The following ZNF568 variants were observed in gnomAD, a reference collection of about 807,000 sequenced individuals.
ZNF568 encodes the protein zinc finger protein 568.
In ZNF568, 11 loss-of-function variants were observed where a neutral mutation model predicts 18.1. The ratio of observed to expected loss-of-function variants is 0.61; its 90% confidence interval spans 0.38 to 1.00. The LOEUF is 1.00. Among genes scored for constraint, ZNF568 ranks in the 50% least tolerant of loss-of-function variants. The pLI is 0.01. For synonymous variants in ZNF568, 213 were observed against 246.6 expected, an observed-to-expected ratio of 0.86 and a Z score of 1.28; for missense variants, 639 against 768.2, an observed-to-expected ratio of 0.83 and a Z score of 1.99.
At chr19:36,917,095 C>T (rs919699203) in intron 1 of ZNF568, among the ~76,000 whole-genome samples, 1 of 152,164 alleles carries the variant, frequency 6.6e-6, no homozygotes, top group Non-Finnish European at 1.5e-5. Flanking sequence ...AACTCAATGC[C>T]ATACAACAGC....
At chr19:36,933,272 G>A (rs916689520) in intron 4 of ZNF568, among the ~76,000 whole-genome samples, 2 of 150,160 alleles carry the variant, frequency 1.3e-5, no homozygotes, top group African/African-American at 4.9e-5. Context: ...AGCATCATTT[G>A]TTGAAAAGAC....
intron 6 of ZNF568, among the ~76,000 whole-genome samples, chr19:36,967,996 A>C (rs1443380621): frequency 1.3e-5 from 2 of 152,186 alleles, no homozygotes; most frequent in Non-Finnish European, 2.9e-5. Flanking sequence ...TTGTGGGCTA[A>C]ATTGAAAACC....
chr19:36,950,847 A>G lies in ZNF568; in HGVS notation c.1694A>G (p.Lys565Arg). The G allele has an allele frequency of 6.2e-7, 1 of 1,613,824 alleles. No homozygotes were observed. Among genetic ancestry groups the G allele is most frequent in the East Asian group, 2.2e-5 (1 of 44,854 alleles). The change falls in exon 7 of 7, where the codon AAA becomes AGA. Residue 565 changes from lysine (K) to arginine (R), a missense_variant. Lys to Arg is a conservative substitution (Grantham distance 26). Coordinates refer to ENST00000333987, the MANE Select transcript of ZNF568 (RefSeq NM_198539.4). Reference protein sequence around the residue: ...EKPFKCNECGKAFSRISSLTL... With the variant: ...EKPFKCNECGRAFSRISSLTL... ...CCATTCAAATGTAATGAATGTGGTA[A>G]AGCCTTCTCTCGAATCTCATCCCTC...
chr19:36,950,583 G>C lies in ZNF568; in HGVS notation c.1430G>C (p.Ser477Thr). The part of the protein sequence containing the change: ...IHTGEKPYEC[S>T]ECGKAFIQMS... ...ACTGGAGAGAAACCTTATGAATGCAGTGAATGTGGGAAAGCTTTTATTCAG... is the reference window on the plus strand; with the variant it reads ...ACTGGAGAGAAACCTTATGAATGCACTGAATGTGGGAAAGCTTTTATTCAG... The change falls in exon 7 of 7, where the codon AGT becomes ACT. Residue 477 changes from serine (S) to threonine (T), a missense_variant. Transcript: ENST00000333987. The C allele has an allele frequency of 6.2e-7, 1 of 1,613,728 alleles. No homozygotes were observed. Among genetic ancestry groups the C allele is most frequent in the African/African-American group, 1.3e-5 (1 of 75,012 alleles).
At chr19:36,977,762 T>C (rs758468730) in intron 7 of ZNF568, among the ~76,000 whole-genome samples, 1 of 152,232 alleles carries the variant, frequency 6.6e-6, no homozygotes, top group Non-Finnish European at 1.5e-5. Context: ...AAAATATTAA[T>C]TGCCCTTTGT....
chr19:36,916,858 C>A lies in ZNF568; in HGVS notation c.-256+267C>A, dbSNP rs1004439298. Among the ~76,000 whole-genome samples, 107 of 152,094 alleles carry A rather than the reference C, an allele frequency of 7.0e-4. No individual in the cohort carries two copies. The highest frequency in any genetic ancestry group is 1.2e-4 in the Non-Finnish European group (8 of 68,024). Reference sequence around the variant, plus strand: ...CTGTAGCATTTGGCACAGTTGGTAACGGCTTGAAAAACACTTATTTGTTTT... The same window carrying A: ...CTGTAGCATTTGGCACAGTTGGTAAAGGCTTGAAAAACACTTATTTGTTTT... On this transcript the variant is annotated intron_variant, in intron 1 of 6. Coordinates refer to ENST00000333987, the MANE Select transcript of ZNF568 (RefSeq NM_198539.4). This position sits in a 1 kb window ranked among gnomAD's most constrained non-coding sequence, Gnocchi z 5.3.
At chr19:36,996,254 C>T in intron 4 of ZNF568, 3 of 1,222,316 alleles carry the variant, frequency 2.5e-6, no homozygotes, top group South Asian at 1.7e-5. Context: ...TTTCTACTTT[C>T]AGGACTTTTC....
At chr19:36,959,607 T>A (rs1176279430) in intron 6 of ZNF568, among the ~76,000 whole-genome samples, 1 of 152,182 alleles carries the variant, frequency 6.6e-6, no homozygotes, top group Non-Finnish European at 1.5e-5. Flanking sequence ...CTTTGTATGG[T>A]ATAATTTGGC....
At chr19:36,964,824 A>G (rs1185126775) in intron 6 of ZNF568, among the ~76,000 whole-genome samples, 2 of 152,128 alleles carry the variant, frequency 1.3e-5, no homozygotes, top group Non-Finnish European at 2.9e-5. Context: ...ATAAATAAAC[A>G]TAAAATAATG....
chr19:36,948,560 C>T (rs1160882184), intron 6 of ZNF568, among the ~76,000 whole-genome samples: 2 of 151,950 alleles, frequency 1.3e-5, no homozygotes, highest in African/African-American at 4.8e-5. Context: ...GTGGCTGTAC[C>T]ATTTTGCAGT....
chr19:36,970,659 C>T (rs949351720), intron 6 of ZNF568, among the ~76,000 whole-genome samples: 4 of 151,994 alleles, frequency 2.6e-5, no homozygotes, highest in African/African-American at 9.7e-5. Flanking sequence ...AATTTTATGC[C>T]ACTTAGACAA....
intron 6 of ZNF568, among the ~76,000 whole-genome samples, chr19:36,941,784 A>C (rs2073882811): frequency 6.6e-6 from 1 of 152,012 alleles, no homozygotes. Context: ...TTTCCCTTTT[A>C]ATATGCATTT....
At chr19:36,954,496 T>C (rs935116272), downstream of ZNF568, among the ~76,000 whole-genome samples, 9 of 152,056 alleles carry the variant, frequency 5.9e-5, no homozygotes, top group Non-Finnish European at 4.4e-5. Flanking sequence ...ATGAGTATTA[T>C]CATTTCGTAG....
chr19:36,934,333 G>T (rs2073752342), intron 4 of ZNF568, among the ~76,000 whole-genome samples: 1 of 143,444 alleles, frequency 7.0e-6, no homozygotes, highest in Non-Finnish European at 1.5e-5. Flanking sequence ...AATTGAGGCA[G>T]AGTCTCACTC....
At chr19:36,979,009 G>C (rs1173303721) in exon 8 of ZNF568, 1 of 306,470 alleles carries the variant, frequency 3.3e-6, no homozygotes, top group Non-Finnish European at 6.2e-6. Flanking sequence ...TTGAGATGGA[G>C]TTTTGCCCTT....
At chr19:36,986,621 CT>C (rs1024490817) in intron 2 of ZNF568, among the ~76,000 whole-genome samples, 5 of 152,044 alleles carry the variant, frequency 3.3e-5, no homozygotes, top group Middle Eastern at 3.2e-3. Flanking sequence ...GATTGATTTT[CT>C]TTTTTTCCCC....
chr19:36,924,585 T>C (rs62115615), intron 3 of ZNF568, among the ~76,000 whole-genome samples: 27,584 of 145,194 alleles, frequency 0.19, 2,788 homozygotes, highest in African/African-American at 0.25. Context: ...TCCCAGCACT[T>C]TGGGAGGCCG....
intron 6 of ZNF568, among the ~76,000 whole-genome samples, chr19:36,942,761 C>G (rs77628383): frequency 2.0e-5 from 3 of 152,048 alleles, no homozygotes; most frequent in Admixed American, 1.3e-4. Context: ...AACTACTTTA[C>G]CTTTTCTTTT....
At chr19:36,987,822 CTGTGTGTG>C (rs56000710) in intron 2 of ZNF568, among the ~76,000 whole-genome samples, 1 of 146,298 alleles carries the variant, frequency 6.8e-6, no homozygotes, top group African/African-American at 2.5e-5. Context: ...AACACAGACT[CTGTGTGTG>C]TGTGTGTGTG....
Sources: gnomAD v4.1 joint callset for allele counts (sites outside exome capture counted in the v4.1 genomes callset) on GRCh38, gnomAD v4.1.1 for gene constraint, Gnocchi (gnomAD v3.1) non-coding constraint, MANE v1.5 for transcripts, NCBI Gene and HGNC (gene_info 2026-07-23, HGNC 2026-07-21) for gene names.